SPEG: variants seen among roughly 807,000 people sequenced by gnomAD.
SPEG encodes the protein striated muscle enriched protein kinase.
A neutral mutation model predicts 300.4 loss-of-function variants in SPEG; 114 were observed. That is an observed-to-expected ratio of 0.38 (90% confidence interval 0.33 to 0.44). The LOEUF (loss-of-function observed/expected upper bound fraction) is 0.44, where lower values mean the gene tolerates loss of function less well. Ranked by LOEUF, SPEG falls within the 20% of genes least tolerant of loss-of-function variation. The probability of loss-of-function intolerance (pLI) is 1.00; values close to 1 mark genes in which losing one functional copy is unlikely to be tolerated. For missense variants in SPEG, 4,201 were observed against 4,586.2 expected (o/e 0.92, Z 2.43); for synonymous variants, 1,964 against 2,018.9 (o/e 0.97, Z 0.73).
chr2:219,484,249 G>A lies in SPEG; in HGVS notation c.6786G>A (p.Ser2262=), dbSNP rs746931496. The A allele has an allele frequency of 1.9e-6, 3 of 1,610,200 alleles. No individual in the cohort carries two copies. The South Asian group carries it at 3.3e-5, about 18-fold the overall frequency. Residue 2262 remains serine, a synonymous_variant, in exon 30 of 41, where the codon TCG becomes TCA. Coordinates refer to ENST00000312358, the MANE Select transcript of SPEG (RefSeq NM_005876.5). ...TGTCAGGCCACGCCCAGGGCCCCTC[G>A]CAGGGCCCTGCCGCGCCGCCTTCAG... ...LQLSGHAQGP[S]QGPAAPPSEP... is the part of the protein sequence containing the mutation.
chr2:219,444,650 C>T lies in SPEG; in HGVS notation c.389-3C>T, dbSNP rs778797264. On this transcript the variant is annotated splice_region_variant and splice_polypyrimidine_tract_variant and intron_variant, in intron 1 of 40. Transcript: ENST00000312358. The surrounding 1 kb of genome is among the most constrained non-coding windows in gnomAD (Gnocchi z 7.8). The stretch of plus-strand genomic sequence containing the variant: ...CTGCCCACACAGACCCCTTCTTCTC[C>T]AGACTCAGAGACGGCTGAGGATGAC... The T allele has an allele frequency of 6.2e-7, 1 of 1,613,778 alleles. No individual in the cohort carries two copies. Among genetic ancestry groups the T allele is most frequent in the African/African-American group, 1.3e-5 (1 of 75,024 alleles).
rs1174536663 is a variant in SPEG, at chr2:219,473,468, A to G, written c.4148-36A>G. On this transcript the variant is annotated intron_variant, in intron 16 of 40. Transcript: ENST00000312358. The surrounding 1 kb of genome is among the most constrained non-coding windows in gnomAD (Gnocchi z 4.6). ...TGGTGGGTGCTGAGGACCTGATGTC[A>G]AGCCCAGCACAGAGCCTGCGCTCTC... 2 of 1,607,296 alleles carry G rather than the reference A, an allele frequency of 1.2e-6. No individual in the cohort carries two copies. Among genetic ancestry groups the G allele is most frequent in the Non-Finnish European group, 8.5e-7 (1 of 1,175,400 alleles).
In SPEG at chr2:219,435,259, G is replaced by C. The variant is rs1954684236; in HGVS notation, c.282G>C (p.Trp94Cys). 6.7e-7 allele frequency: 1 copy of C among 1,488,736 alleles called. No individual in the cohort carries two copies. Among genetic ancestry groups the C allele is most frequent in the South Asian group, 1.3e-5 (1 of 79,038 alleles). 92.2% of individuals were successfully genotyped at this position (1,488,736 alleles called of 1,614,324 possible). ...PAPAPEPSCL[W>C]LRRCGAQDAG... Reference sequence around the variant, plus strand: ...CGGCCCCCGAGCCCAGCTGCCTGTGGCTGCGGCGCTGCGGGGCGCAGGACG... The same window carrying C: ...CGGCCCCCGAGCCCAGCTGCCTGTGCCTGCGGCGCTGCGGGGCGCAGGACG... The change falls in exon 1 of 41, where the codon TGG (tryptophan) becomes TGC (cysteine). Residue 94 changes from tryptophan to cysteine, a missense_variant. By Grantham distance (215) the Trp-to-Cys change is radical. Around this residue, in one of 4 missense-constraint regions of SPEG, gnomAD observed 1,258 missense variants for 1,293.9 expected, o/e 0.97. Coordinates refer to ENST00000312358, the MANE Select transcript of SPEG (RefSeq NM_005876.5).
At chr2:219,446,548 A>G (rs911445794) in intron 3 of SPEG, among the ~76,000 whole-genome samples, 1 of 152,148 alleles carries the variant, frequency 6.6e-6, no homozygotes, top group African/African-American at 2.4e-5. Context: ...AGCCCCAGTC[A>G]GAGGTGGGTC....
rs539780885 is a variant in SPEG, at chr2:219,461,266, T to C, written c.2441-616T>C. Reference sequence around the variant, plus strand: ...GCTCTGCTTTCCTATCCCTCGAGCGTTTGGGGGTGCAAGCTGTAGGGCTGT... The same window carrying C: ...GCTCTGCTTTCCTATCCCTCGAGCGCTTGGGGGTGCAAGCTGTAGGGCTGT... On this transcript the variant is annotated intron_variant, in intron 6 of 40. Transcript: ENST00000312358. 5.1e-6 allele frequency: 5 copies of C among 985,518 alleles called. No individual in the cohort carries two copies. In the South Asian group the frequency reaches 2.3e-4, roughly 46 times the overall value. 61.0% of individuals were successfully genotyped at this position (985,518 alleles called of 1,614,324 possible).
chr2:219,476,342 T>G (rs1692339735), intron 18 of SPEG, among the ~76,000 whole-genome samples: 1 of 152,176 alleles, frequency 6.6e-6, no homozygotes, highest in African/African-American at 2.4e-5. Flanking sequence ...ATGCCATCCA[T>G]GAGCTTAATT....
intron 6 of SPEG, among the ~76,000 whole-genome samples, chr2:219,454,287 A>G (rs879804135): frequency 8.5e-5 from 13 of 152,124 alleles, no homozygotes; most frequent in Admixed American, 7.9e-4. Flanking sequence ...GCTGGTCCTC[A>G]CCAGCTCCCC....
At chr2:219,442,397 C>T (rs1301073203) in intron 1 of SPEG, among the ~76,000 whole-genome samples, 2 of 151,968 alleles carry the variant, frequency 1.3e-5, no homozygotes, top group Non-Finnish European at 2.9e-5. Flanking sequence ...TTTGCCACAT[C>T]TTCTCTCTCC....
At position 219,448,247 on chromosome 2, in the gene SPEG, C is replaced by T. The variant is rs1192939303; in HGVS notation, c.1089C>T (p.Pro363=). The T allele has an allele frequency of 3.1e-6, 5 of 1,612,292 alleles. No individual in the cohort carries two copies. The African/African-American group carries it at 5.3e-5, about 17-fold the overall frequency. ...GGAAGAAGTCCAAGTCGTCCGGGCC[C>T]TCCCTGGCGGGCACCGCGGAATCCC... The part of the protein sequence containing the change: ...KRGKKSKSSG[P]SLAGTAESRP... Residue 363 remains proline (P), a synonymous_variant, in exon 4 of 41, where the codon CCC becomes CCT. Coordinates refer to ENST00000312358, the MANE Select transcript of SPEG (RefSeq NM_005876.5).
chr2:219,487,081 T>A (rs1323352112), intron 31 of SPEG, among the ~76,000 whole-genome samples: 1 of 152,068 alleles, frequency 6.6e-6, no homozygotes, highest in Non-Finnish European at 1.5e-5. Context: ...CCCAGGTGAA[T>A]AAAATCCACC....
intron 13 of SPEG, among the ~76,000 whole-genome samples, chr2:219,470,763 C>G (rs1471994553): frequency 1.3e-5 from 2 of 149,778 alleles, no homozygotes; most frequent in Non-Finnish European, 1.5e-5. Flanking sequence ...GTACCAAGGT[C>G]AAACTATCAT....
At position 219,480,258 on chromosome 2, in the gene SPEG, A is replaced by T. The variant is rs1692712506; in HGVS notation, c.5342+118A>T. 1 of 1,153,258 alleles carries T rather than the reference A, an allele frequency of 8.7e-7. No homozygotes were observed. The highest frequency in any genetic ancestry group is 1.4e-5 in the South Asian group (1 of 69,008). The allele number at this position is 1,153,258 out of a possible 1,614,324, so 71.4% of individuals were successfully genotyped here. On this transcript the variant is annotated intron_variant, in intron 25 of 40. Coordinates refer to ENST00000312358, the MANE Select transcript of SPEG (RefSeq NM_005876.5). The surrounding 1 kb of genome is among the most constrained non-coding windows in gnomAD (Gnocchi z 5.3). ...TGAATTCCTCCTGAAGGTGGGCTGGAGGCATTGTTTGCAGGGTCTCCTGCC... is the reference window on the plus strand; with the variant it reads ...TGAATTCCTCCTGAAGGTGGGCTGGTGGCATTGTTTGCAGGGTCTCCTGCC...
chr2:219,493,228 G>A lies in SPEG; in HGVS notation c.*442G>A, dbSNP rs967456556. On this transcript the variant is annotated 3_prime_UTR_variant, in exon 41 of 41. Coordinates refer to ENST00000312358, the MANE Select transcript of SPEG (RefSeq NM_005876.5). ...AGGCTGGGAGTCAGTGTGGCAAAGCGGGGGCAGGACACAGATACAGTGGCA... is the reference window on the plus strand; with the variant it reads ...AGGCTGGGAGTCAGTGTGGCAAAGCAGGGGCAGGACACAGATACAGTGGCA... The A allele has an allele frequency of 1.2e-4, 43 of 368,556 alleles. No individual in the cohort carries two copies. In the Middle Eastern group the frequency reaches 2.7e-3, roughly 23 times the overall value. 22.8% of individuals were successfully genotyped at this position (368,556 alleles called of 1,614,324 possible).
At chr2:219,450,216 A>G (rs780369657) in intron 4 of SPEG, among the ~76,000 whole-genome samples, 2 of 152,200 alleles carry the variant, frequency 1.3e-5, no homozygotes, top group South Asian at 2.1e-4. Context: ...CAAACACACA[A>G]CTATGTGCCA....
chr2:219,478,101 G>A lies in SPEG; in HGVS notation c.5023G>A (p.Glu1675Lys), dbSNP rs758577613. The A allele has an allele frequency of 6.2e-7, 1 of 1,613,446 alleles. No homozygotes were observed. The highest frequency in any genetic ancestry group is 8.5e-7 in the Non-Finnish European group (1 of 1,179,456). ...GCGCCGGGGACTGGTCATTGTCACC[G>A]AGCTGTATCCTGGGACAGGCTGGGG... ...ERRRGLVIVT[E>K]LCTEELLERI... Residue 1675 changes from glutamate to lysine, a missense_variant, in exon 22 of 41, where the codon GAG becomes AAG. This residue lies in a region of SPEG where 1,047 missense variants were observed against 1,356.8 expected (regional missense o/e 0.77). Coordinates refer to ENST00000312358, the MANE Select transcript of SPEG (RefSeq NM_005876.5).
In SPEG at chr2:219,482,429, A is replaced by C. The variant is rs1692936031; in HGVS notation, c.5566-355A>C. The stretch of plus-strand genomic sequence containing the variant: ...TTGGCCCTACATGGAGACAGAGGGG[A>C]GCTGGGGAGCCAGGACCCGGGTAAA... On this transcript the variant is annotated intron_variant, in intron 28 of 40. Transcript: ENST00000312358. The C allele has an allele frequency of 1.2e-5, 3 of 243,974 alleles. No individual in the cohort carries two copies. In the South Asian group the frequency reaches 2.8e-4, roughly 23 times the overall value. 15.1% of individuals were successfully genotyped at this position (243,974 alleles called of 1,614,324 possible).
intron 6 of SPEG, among the ~76,000 whole-genome samples, chr2:219,454,150 C>T (rs1220334104): frequency 6.6e-6 from 1 of 152,220 alleles, no homozygotes; most frequent in Admixed American, 6.5e-5. Flanking sequence ...TCCACCCCAA[C>T]AGGGCCTGCT....
intron 9 of SPEG, chr2:219,465,803 G>A (rs1046924922): frequency 3.7e-5 from 22 of 592,382 alleles, no homozygotes; most frequent in African/African-American, 1.1e-4. Flanking sequence ...GTGCCTGTGC[G>A]TGCATGTGTG....
At chr2:219,437,093 C>T (rs940979361) in intron 1 of SPEG, among the ~76,000 whole-genome samples, 5 of 152,140 alleles carry the variant, frequency 3.3e-5, no homozygotes, top group African/African-American at 4.8e-5. Context: ...CTGCCTAAGA[C>T]GTACTAGTCT....
Sources: allele counts gnomAD v4.1 joint callset (sites outside exome capture counted in the v4.1 genomes callset), GRCh38; gene constraint gnomAD v4.1.1; regional missense constraint gnomAD v4.1.1; non-coding constraint Gnocchi (gnomAD v3.1); transcripts MANE v1.5; gene names NCBI Gene and HGNC (gene_info 2026-07-23, HGNC 2026-07-21).